The following SGCE variants were observed in gnomAD, a reference collection of about 807,000 sequenced individuals.
The protein encoded by SGCE is epsilon-sarcoglycan.
SGCE carries 26 observed loss-of-function variants against 57.8 expected under a neutral mutation model. The ratio of observed to expected loss-of-function variants is 0.45; its 90% CI spans 0.33 to 0.62. The LOEUF (loss-of-function observed/expected upper bound fraction) is 0.62, where lower values mean the gene tolerates loss of function less well. SGCE is among the 20% of genes least tolerant of loss of function. The pLI, the probability that SGCE is intolerant of heterozygous loss-of-function variation, is 0.02. For missense variants in SGCE, 468 were observed against 548.6 expected, an observed-to-expected ratio of 0.85 and a Z score of 1.47; for synonymous variants, 183 against 189.5, an observed-to-expected ratio of 0.97 and a Z score of 0.28.
chr7:94,642,148 C>A (rs1230431941), intron 1 of SGCE, among the ~76,000 whole-genome samples: 2 of 151,954 alleles, frequency 1.3e-5, no homozygotes, highest in Non-Finnish European at 2.9e-5. Context: ...ATCCACAGCA[C>A]CCCCCAAAAT....
At chr7:94,614,107 CAAAAAAAAAAAA>C (rs925650428) in intron 5 of SGCE, among the ~76,000 whole-genome samples, 15 of 94,964 alleles carry the variant, frequency 1.6e-4, no homozygotes, top group African/African-American at 6.8e-4. Context: ...AAATTGAAAT[CAAAAAAAAAAAA>C]AAAAAAAAAA....
chr7:94,642,817 G>A (rs1224114638), intron 1 of SGCE, among the ~76,000 whole-genome samples: 2 of 152,168 alleles, frequency 1.3e-5, no homozygotes, highest in Non-Finnish European at 2.9e-5. Context: ...GATATGACAA[G>A]CAACATTTAG....
At chr7:94,623,877 A>G (rs1803240829) in intron 3 of SGCE, 1 of 357,008 alleles carries the variant, frequency 2.8e-6, no homozygotes. Flanking sequence ...AATGTCATAA[A>G]TAACCCTTTG....
intron 3 of SGCE, chr7:94,624,326 A>G (rs1334800005): frequency 2.5e-6 from 1 of 397,532 alleles, no homozygotes; most frequent in African/African-American, 2.1e-5. Flanking sequence ...AATATCAAAG[A>G]TTTTTATACA....
intron 1 of SGCE, among the ~76,000 whole-genome samples, chr7:94,642,021 A>G (rs1301450584): frequency 6.6e-6 from 1 of 152,102 alleles, no homozygotes; most frequent in Non-Finnish European, 1.5e-5. Flanking sequence ...CCCTTTATAT[A>G]TGTACAACTA....
chr7:94,627,162 A>G (rs192287353), intron 3 of SGCE: 4 of 152,218 alleles, frequency 2.6e-5, no homozygotes, highest in African/African-American at 9.6e-5. Context: ...TTCAATTCCA[A>G]CTGAATTGGC....
chr7:94,587,472 A>C (rs982229638), intron 10 of SGCE: 10 of 1,246,850 alleles, frequency 8.0e-6, no homozygotes, highest in Admixed American at 4.4e-5. Flanking sequence ...ATAACGAAGA[A>C]GTTCTATCAT....
At chr7:94,633,296 T>C (rs1336498909) in intron 1 of SGCE, among the ~76,000 whole-genome samples, 1 of 151,874 alleles carries the variant, frequency 6.6e-6, no homozygotes, top group Admixed American at 6.6e-5. Context: ...AAAAATATCA[T>C]CTCCAAATAG....
chr7:94,628,080 A>G (rs1804021809), intron 3 of SGCE, 122 bp downstream of exon 3: 1 of 725,036 alleles, frequency 1.4e-6, no homozygotes, highest in East Asian at 2.7e-5. Context: ...CATGCACAAA[A>G]TATTAAAAAC....
At chr7:94,629,558 A>C (rs972907254) in intron 2 of SGCE, 161 bp downstream of exon 2, 10 of 691,996 alleles carry the variant, frequency 1.4e-5, no homozygotes, top group African/African-American at 3.7e-5. Context: ...TCTGTAATTA[A>C]ATTTCTAATC....
rs138881114 is a variant in SGCE, at chr7:94,628,137, T to TAC, written c.390+63_390+64dup. The TAC allele has an allele frequency of 0.3, 299,014 of 984,218 alleles. 16,946 individuals carry two copies. The highest frequency in any genetic ancestry group is 0.33 in the Admixed American group (16,367 of 49,244). The allele number at this position is 984,218 out of a possible 1,614,324, so 61.0% of individuals were successfully genotyped here. ...TCAACACTTAAAACTCAAATTACAA[T>TAC]ACACACACACACACACACACACACA... On this transcript the variant is annotated intron_variant, in intron 3 of 10. Coordinates refer to ENST00000648936, the MANE Select transcript of SGCE (RefSeq NM_003919.3).
At chr7:94,611,866 C>T (rs981022232) in intron 5 of SGCE, among the ~76,000 whole-genome samples, 1 of 151,994 alleles carries the variant, frequency 6.6e-6, no homozygotes, top group Non-Finnish European at 1.5e-5. Context: ...TTTTAAAAAA[C>T]CTATTGTACC....
intron 5 of SGCE, among the ~76,000 whole-genome samples, 167 bp from the exon 6 acceptor site, chr7:94,603,619 T>C (rs966969400): frequency 2.6e-5 from 4 of 152,146 alleles, no homozygotes; most frequent in Non-Finnish European, 5.9e-5. Flanking sequence ...AGGGGCTTCC[T>C]TTCATTCATT....
intron 5 of SGCE, chr7:94,617,243 G>C (rs916258918): frequency 6.6e-6 from 1 of 152,160 alleles, no homozygotes; most frequent in Admixed American, 6.5e-5. Flanking sequence ...CAGTGCTTTA[G>C]GTCACAGTTT....
intron 1 of SGCE, among the ~76,000 whole-genome samples, chr7:94,642,131 A>T (rs1043829996): frequency 6.6e-6 from 1 of 152,174 alleles, no homozygotes; most frequent in Non-Finnish European, 1.5e-5. Flanking sequence ...TAGGAGTACA[A>T]ATCAAAATCC....
chr7:94,603,530 AT>A, intron 5 of SGCE, 78 bp from the exon 6 acceptor site: 1 of 1,398,770 alleles, frequency 7.1e-7, no homozygotes, highest in Non-Finnish European at 1.0e-6. Context: ...TAAAAGCAGG[AT>A]TTAGCCTTTT....
At chr7:94,618,691 A>C (rs2116879896) in intron 5 of SGCE, 67 bp downstream of exon 5, 1 of 1,347,284 alleles carries the variant, frequency 7.4e-7, no homozygotes, top group Non-Finnish European at 1.1e-6. Context: ...TCCATCTATA[A>C]TAAGTTTGAT....
rs1584545521 is a variant in SGCE, at chr7:94,603,228, C to A, written c.825+62G>T. Reference sequence around the variant, plus strand: ...TCCTAAAAGCAGTTCAGGTTTTAGTCAAACGTTAACTCCAGCCACATTATT... The same window carrying A: ...TCCTAAAAGCAGTTCAGGTTTTAGTAAAACGTTAACTCCAGCCACATTATT... On this transcript the variant is annotated intron_variant, in intron 6 of 10. Transcript: ENST00000648936. The A allele has an allele frequency of 5.9e-6, 8 of 1,365,034 alleles. No homozygotes were observed. In the East Asian group the frequency reaches 1.9e-4, roughly 32 times the overall value. The allele number at this position is 1,365,034 out of a possible 1,614,324, so 84.6% of individuals were successfully genotyped here.
At chr7:94,614,107 CA>C (rs925650428) in intron 5 of SGCE, among the ~76,000 whole-genome samples, 1,130 of 94,906 alleles carry the variant, frequency 0.012, 6 homozygotes, top group African/African-American at 0.041. Flanking sequence ...AAATTGAAAT[CA>C]AAAAAAAAAA....
Sources: gnomAD v4.1 joint callset for allele counts (sites outside exome capture counted in the v4.1 genomes callset) on GRCh38, gnomAD v4.1.1 for gene constraint, MANE v1.5 for transcripts, NCBI Gene and HGNC (gene_info 2026-07-23, HGNC 2026-07-21) for gene names.